Variants in KANSL1 observed in about 807,000 individuals in gnomAD.
KANSL1 encodes MLL1/MLL complex subunit KANSL1.
KANSL1 carries 22 observed loss-of-function variants against 103.6 expected under a neutral mutation model. The observed-to-expected ratio is 0.21, with a 90% confidence interval of 0.15 to 0.30. The LOEUF (loss-of-function observed/expected upper bound fraction) is 0.30, where lower values mean the gene tolerates loss of function less well. Among genes scored for constraint, KANSL1 ranks in the 10% least tolerant of loss-of-function variants. The probability of loss-of-function intolerance (pLI) is 1.00; values close to 1 mark genes in which losing one functional copy is unlikely to be tolerated. For missense variants in KANSL1, 1,337 were observed against 1,399.8 expected, an observed-to-expected ratio of 0.96 and a Z score of 0.72; for synonymous variants, 600 against 527.6, an observed-to-expected ratio of 1.14 and a Z score of -1.88.
At chr17:46,101,930 G>A (rs1011318596) in intron 2 of KANSL1, among the ~76,000 whole-genome samples, 94 of 152,280 alleles carry the variant, frequency 6.2e-4, no homozygotes, top group African/African-American at 2.2e-3. Flanking sequence ...CATATTCTGA[G>A]AGTTTCTTGA....
chr17:46,053,340 C>G (rs2077794138), intron 6 of KANSL1, among the ~76,000 whole-genome samples: 1 of 152,008 alleles, frequency 6.6e-6, no homozygotes, highest in African/African-American at 2.4e-5. Flanking sequence ...CTACTTATAA[C>G]TTGACAAAAG....
intron 2 of KANSL1, among the ~76,000 whole-genome samples, chr17:46,107,302 A>T (rs2042610220): frequency 6.6e-6 from 1 of 152,156 alleles, no homozygotes; most frequent in Non-Finnish European, 1.5e-5. Flanking sequence ...TCATTATTCT[A>T]ATTTGTCTCT....
rs117446119 is a variant in KANSL1, at chr17:46,191,097, T to C, written c.-90+1726A>G. ...AATTGAAAAAATGTCTAGTAACCTATGTAGAAAAAACCAGAAATGTACTTC... is the reference window on the plus strand; with the variant it reads ...AATTGAAAAAATGTCTAGTAACCTACGTAGAAAAAACCAGAAATGTACTTC... On this transcript the variant is annotated intron_variant, in intron 1 of 14. Transcript: ENST00000432791. Among the ~76,000 whole-genome samples, 956 of 152,292 alleles carry C rather than the reference T, an allele frequency of 6.3e-3. 6 individuals carry two copies. The highest frequency in any genetic ancestry group is 7.9e-3 in the Non-Finnish European group (540 of 68,026).
intron 2 of KANSL1, among the ~76,000 whole-genome samples, chr17:46,168,433 C>T (rs1207013285): frequency 3.9e-5 from 6 of 152,170 alleles, no homozygotes; most frequent in South Asian, 4.1e-4. Flanking sequence ...CCGCAACCTC[C>T]GCCTCTCACG....
At chr17:46,127,126 C>A (rs1218906574) in intron 2 of KANSL1, among the ~76,000 whole-genome samples, 1 of 152,182 alleles carries the variant, frequency 6.6e-6, no homozygotes, top group African/African-American at 2.4e-5. Context: ...CAGAACATCA[C>A]CACTTTCCTC....
At chr17:46,148,639 T>C (rs954266725) in intron 2 of KANSL1, among the ~76,000 whole-genome samples, 2 of 151,814 alleles carry the variant, frequency 1.3e-5, no homozygotes, top group East Asian at 1.9e-4. Context: ...CAGGCTGAAG[T>C]ATAGTGGCAC....
At chr17:46,087,330 T>A (rs1489617717) in intron 3 of KANSL1, among the ~76,000 whole-genome samples, 1 of 152,216 alleles carries the variant, frequency 6.6e-6, no homozygotes, top group Non-Finnish European at 1.5e-5. Context: ...AAGTTCACTA[T>A]GGCATTCAAA....
chr17:46,157,436 T>G (rs1240535375), intron 2 of KANSL1, among the ~76,000 whole-genome samples: 1 of 152,240 alleles, frequency 6.6e-6, no homozygotes, highest in Non-Finnish European at 1.5e-5. Flanking sequence ...AATCTAACAT[T>G]GCTTTGGACA....
intron 6 of KANSL1, among the ~76,000 whole-genome samples, chr17:46,062,368 T>TC (rs1031754093): frequency 4.1e-5 from 6 of 146,734 alleles, no homozygotes; most frequent in African/African-American, 1.5e-4. Flanking sequence ...TTTTTTTTTT[T>TC]TTTTTTTTTT....
rs1345049239 is a variant in KANSL1, at chr17:46,031,685, G to A, written c.3109C>T (p.Arg1037Trp). Residue 1037 changes from arginine to tryptophan, a missense_variant, in exon 15 of 15, where the codon CGG becomes TGG. Transcript: ENST00000432791. ...CTGTGCGCCAGGGGGAAGGTCCGCC[G>A]CTCCCAGGGCTGGACAGACTGTAGG... ...LDEQSVQPWE[R>W]RTFPLAHSPQ... The A allele has an allele frequency of 4.4e-6, 7 of 1,608,004 alleles. No individual in the cohort carries two copies. Among genetic ancestry groups the A allele is most frequent in the East Asian group, 2.2e-5 (1 of 44,704 alleles).
At chr17:46,220,026 C>CCAGGAGG (rs1454321520) in intron 1 of KANSL1, among the ~76,000 whole-genome samples, 1 of 151,812 alleles carries the variant, frequency 6.6e-6, no homozygotes, top group African/African-American at 2.4e-5. Context: ...TGACATGAAC[C>CCAGGAGG]CAGGAGGCAC....
intron 6 of KANSL1, among the ~76,000 whole-genome samples, chr17:46,052,494 A>G (rs1321239403): frequency 6.6e-6 from 1 of 151,882 alleles, no homozygotes; most frequent in Admixed American, 6.6e-5. Flanking sequence ...AATCTCAGCT[A>G]CTCGGGAGGC....
At chr17:46,200,067 C>A (rs7207512) in intron 1 of KANSL1, among the ~76,000 whole-genome samples, 20 of 118,192 alleles carry the variant, frequency 1.7e-4, no homozygotes, top group African/African-American at 5.1e-4. Flanking sequence ...ACACACACAC[C>A]CTGATTATTT....
intron 2 of KANSL1, among the ~76,000 whole-genome samples, chr17:46,168,435 C>G (rs2046116052): frequency 6.6e-6 from 1 of 152,096 alleles, no homozygotes; most frequent in African/African-American, 2.4e-5. Context: ...GCAACCTCCG[C>G]CTCTCACGTT....
chr17:46,186,576 G>A (rs572162087), intron 1 of KANSL1, among the ~76,000 whole-genome samples: 2 of 152,278 alleles, frequency 1.3e-5, no homozygotes, highest in East Asian at 1.9e-4. Flanking sequence ...CTCTTGGGAG[G>A]CAAGGGGTAA....
At chr17:46,083,133 A>G (rs1199630899) in intron 3 of KANSL1, among the ~76,000 whole-genome samples, 2 of 152,218 alleles carry the variant, frequency 1.3e-5, no homozygotes, top group Admixed American at 6.5e-5. Flanking sequence ...GACCTTTGGA[A>G]ATTCATTCCA....
chr17:46,031,865 G>A (rs1017951711), intron 14 of KANSL1, 162 bp from the exon 15 acceptor site: 6 of 1,048,712 alleles, frequency 5.7e-6, no homozygotes, highest in Non-Finnish European at 8.4e-6. Flanking sequence ...CCAGACAACT[G>A]TATTGATCAT....
intron 1 of KANSL1, among the ~76,000 whole-genome samples, chr17:46,177,349 T>A (rs936079102): frequency 6.7e-6 from 1 of 150,136 alleles, no homozygotes; most frequent in Non-Finnish European, 1.5e-5. Context: ...TTAGCTACAA[T>A]TGCCATAAAC....
intron 2 of KANSL1, among the ~76,000 whole-genome samples, chr17:46,166,436 C>T (rs1000784042): frequency 7.3e-5 from 11 of 151,150 alleles, no homozygotes; most frequent in African/African-American, 2.4e-4. Flanking sequence ...CACTTGAACC[C>T]GGGAGCCAGA....
Sources: gnomAD v4.1 joint callset for allele counts (sites outside exome capture counted in the v4.1 genomes callset) on GRCh38, gnomAD v4.1.1 for gene constraint, MANE v1.5 for transcripts, NCBI Gene and HGNC (gene_info 2026-07-23, HGNC 2026-07-21) for gene names.